Variants in GRIA4 observed in about 807,000 individuals in gnomAD.
GRIA4 encodes glutamate ionotropic receptor AMPA type subunit 4.
In GRIA4, 34 loss-of-function variants were observed where a neutral mutation model predicts 104.0. The observed-to-expected ratio is 0.33, with a 90% CI of 0.25 to 0.44. The LOEUF is 0.44. Among genes scored for constraint, GRIA4 ranks in the 20% least tolerant of loss-of-function variants. The pLI is 1.00. For synonymous variants in GRIA4, 386 were observed against 381.9 expected, an observed-to-expected ratio of 1.01 and a Z score of -0.13; for missense variants, 750 against 1,096.5, an observed-to-expected ratio of 0.68 and a Z score of 4.46.
intron 3 of GRIA4, among the ~76,000 whole-genome samples, chr11:105,674,823 C>T (rs888239721): frequency 6.6e-6 from 1 of 151,794 alleles, no homozygotes; most frequent in African/African-American, 2.4e-5. Context: ...ACATTTTATT[C>T]CATGAAAAAT....
chr11:105,872,544 T>A (rs1945655968), intron 5 of GRIA4, among the ~76,000 whole-genome samples: 1 of 152,126 alleles, frequency 6.6e-6, no homozygotes, highest in Admixed American at 6.6e-5. Flanking sequence ...ATATTTGACG[T>A]TAAAATTCAG....
intron 3 of GRIA4, among the ~76,000 whole-genome samples, chr11:105,742,245 T>C (rs895316662): frequency 2.0e-5 from 3 of 152,170 alleles, no homozygotes; most frequent in Non-Finnish European, 4.4e-5. Context: ...TTTTCAAATA[T>C]CACTGATTTG....
chr11:105,970,674 G>A (rs528543572), intron 14 of GRIA4, among the ~76,000 whole-genome samples: 1 of 152,266 alleles, frequency 6.6e-6, no homozygotes, highest in African/African-American at 2.4e-5. Flanking sequence ...ATAAATGCAT[G>A]TCTTGTAACT....
At chr11:105,675,372 T>C (rs185385247) in intron 3 of GRIA4, among the ~76,000 whole-genome samples, 262 of 152,044 alleles carry the variant, frequency 1.7e-3, no homozygotes, top group African/African-American at 5.9e-3. Flanking sequence ...AGACATCTGT[T>C]TATTGACATG....
rs1565378044 is a variant in GRIA4, at chr11:105,979,564, A to G, written c.2545-11A>G. The G allele has an allele frequency of 1.2e-6, 2 of 1,613,062 alleles. No homozygotes were observed. The highest frequency in any genetic ancestry group is 4.5e-5 in the East Asian group (2 of 44,858). ...TCCGCGTTCTTTCTGCTTCCTTTCCATGCAACCCAGCTGACCTTTTCTGAA... is the reference window on the plus strand; with the variant it reads ...TCCGCGTTCTTTCTGCTTCCTTTCCGTGCAACCCAGCTGACCTTTTCTGAA... On this transcript the variant is annotated splice_polypyrimidine_tract_variant and intron_variant, in intron 16 of 16. Transcript: ENST00000282499.
At chr11:105,967,040 A>G (rs1043244335) in intron 14 of GRIA4, among the ~76,000 whole-genome samples, 1 of 152,214 alleles carries the variant, frequency 6.6e-6, no homozygotes, top group African/African-American at 2.4e-5. Context: ...ATATATACAT[A>G]GAGAAAAGTA....
At chr11:105,974,581 T>G (rs761889561) in intron 16 of GRIA4, 137 bp downstream of exon 16, 4 of 1,604,734 alleles carry the variant, frequency 2.5e-6, no homozygotes, top group Non-Finnish European at 3.4e-6. Flanking sequence ...CCGACTACAG[T>G]GAGTGGGGGA....
chr11:105,742,180 G>A (rs577310060), intron 3 of GRIA4, among the ~76,000 whole-genome samples: 42 of 152,214 alleles, frequency 2.8e-4, no homozygotes, highest in African/African-American at 9.9e-4. Flanking sequence ...TTCTTGGTTA[G>A]TTTTTTCTCC....
At chr11:105,881,267 A>C (rs903817472) in intron 5 of GRIA4, among the ~76,000 whole-genome samples, 1 of 152,198 alleles carries the variant, frequency 6.6e-6, no homozygotes, top group South Asian at 2.1e-4. Context: ...GAAGGAGGAC[A>C]TTAATGCTCT....
At chr11:105,921,016 G>T (rs895820737) in intron 11 of GRIA4, among the ~76,000 whole-genome samples, 3 of 152,106 alleles carry the variant, frequency 2.0e-5, no homozygotes, top group Non-Finnish European at 2.9e-5. Context: ...CTCTTCTATA[G>T]AACAAAGTCT....
chr11:105,719,340 G>T (rs543192714), intron 3 of GRIA4, among the ~76,000 whole-genome samples: 4 of 152,224 alleles, frequency 2.6e-5, no homozygotes, highest in African/African-American at 9.6e-5. Context: ...CGAGCGGCTG[G>T]CTATGTTTTG....
Position 105,979,970 on chromosome 11 carries a change from T to G in GRIA4, c.*231T>G. The G allele has an allele frequency of 4.6e-6, 2 of 435,248 alleles. No homozygotes were observed. The highest frequency in any genetic ancestry group is 4.2e-6 in the Non-Finnish European group (1 of 239,262). 27.0% of individuals were successfully genotyped at this position (435,248 alleles called of 1,614,324 possible). On this transcript the variant is annotated 3_prime_UTR_variant, in exon 17 of 17. Transcript: ENST00000282499. ...GGAAAACTCACAATTGAGGTTTTTT[T>G]CGGGGAGTGGGTGGGGGAGGGATCT...
chr11:105,738,785 G>C (rs1437305831), intron 3 of GRIA4, among the ~76,000 whole-genome samples: 1 of 151,934 alleles, frequency 6.6e-6, no homozygotes, highest in East Asian at 1.9e-4. Context: ...ACAAAATATA[G>C]ATGATGAATC....
chr11:105,759,730 C>G (rs1444248045), intron 4 of GRIA4, among the ~76,000 whole-genome samples: 3 of 152,140 alleles, frequency 2.0e-5, no homozygotes, highest in South Asian at 2.1e-4. Flanking sequence ...TTGGGTAACT[C>G]TTATTCACCA....
intron 14 of GRIA4, among the ~76,000 whole-genome samples, chr11:105,941,802 T>C (rs1399000280): frequency 6.6e-6 from 1 of 152,124 alleles, no homozygotes; most frequent in Non-Finnish European, 1.5e-5. Flanking sequence ...ATATAAAAAC[T>C]GGCAAGAGCT....
At chr11:105,755,432 T>C (rs916920671) in intron 4 of GRIA4, among the ~76,000 whole-genome samples, 4 of 152,168 alleles carry the variant, frequency 2.6e-5, no homozygotes, top group Admixed American at 6.5e-5. Context: ...CATTTTCTTA[T>C]TGCATTGGAA....
intron 3 of GRIA4, among the ~76,000 whole-genome samples, chr11:105,633,977 T>A (rs766877333): frequency 2.6e-5 from 4 of 152,136 alleles, no homozygotes; most frequent in Non-Finnish European, 4.4e-5. Context: ...GGTTACTCAA[T>A]CTTCCTAAGT....
At chr11:105,840,034 T>C (rs1944338285) in intron 4 of GRIA4, among the ~76,000 whole-genome samples, 1 of 152,212 alleles carries the variant, frequency 6.6e-6, no homozygotes, top group Non-Finnish European at 1.5e-5. Context: ...TCCTTCTAGA[T>C]TGTTTATGTT....
At chr11:105,911,806 A>ATATATATATATATATATATATG (rs1318702218) in intron 10 of GRIA4, 65 of 285,748 alleles carry the variant, frequency 2.3e-4, no homozygotes, top group Admixed American at 8.5e-4. Context: ...ATATATATAT[A>ATATATATATATATATATATATG]TATGTTTCTT....
Sources: gnomAD v4.1 joint callset for allele counts (sites outside exome capture counted in the v4.1 genomes callset) on GRCh38, gnomAD v4.1.1 for gene constraint, MANE v1.5 for transcripts, NCBI Gene and HGNC (gene_info 2026-07-23, HGNC 2026-07-21) for gene names.